LMBR1: variants seen among roughly 807,000 people sequenced by gnomAD.
LMBR1 encodes the protein limb region 1 protein homolog.
A neutral mutation model predicts 73.9 loss-of-function variants in LMBR1; 52 were observed. That is an observed-to-expected ratio of 0.70 (90% CI 0.56 to 0.89). The LOEUF (loss-of-function observed/expected upper bound fraction) is 0.89, where lower values mean the gene tolerates loss of function less well. Among genes scored for constraint, LMBR1 ranks in the 40% least tolerant of loss-of-function variants. The pLI, the probability that LMBR1 is intolerant of heterozygous loss-of-function variation, is 0.00. For missense variants in LMBR1, 539 were observed against 579.8 expected (o/e 0.93, Z 0.72); for synonymous variants, 215 against 209.4 (o/e 1.03, Z -0.23).
chr7:156,763,148 TA>T lies in LMBR1; in HGVS notation c.578del (p.Leu193TyrfsTer7). ...ATCCCATCAATGATATACAGGAATA[TA>T]AATAGGGTAGATAGAACTCCCAGAG... is the stretch of plus-strand genomic sequence containing the variant. ...YDLWEFYLPY[L>X]YSCISLMGCL... On this transcript the variant is annotated frameshift_variant, in exon 7 of 17. Coordinates refer to ENST00000353442, the MANE Select transcript of LMBR1 (RefSeq NM_022458.4). LOFTEE classifies it high-confidence loss of function. The T allele has an allele frequency of 7.1e-7, 1 of 1,417,110 alleles. No individual in the cohort carries two copies. The highest frequency in any genetic ancestry group is 9.8e-7 in the Non-Finnish European group (1 of 1,023,292). The allele number at this position is 1,417,110 out of a possible 1,614,324, so 87.8% of individuals were successfully genotyped here. A position where few individuals can be genotyped will look rare whatever the true frequency, so the allele number is the denominator to read the frequency against.
At chr7:156,862,689 C>A (rs1182000717) in intron 1 of LMBR1, among the ~76,000 whole-genome samples, 2 of 152,176 alleles carry the variant, frequency 1.3e-5, no homozygotes, top group Non-Finnish European at 2.9e-5. Flanking sequence ...AAAAGTGTAT[C>A]TGATAGAAGA....
intron 4 of LMBR1, among the ~76,000 whole-genome samples, chr7:156,797,200 C>G (rs1830189440): frequency 6.6e-6 from 1 of 152,092 alleles, no homozygotes; most frequent in Admixed American, 6.6e-5. Flanking sequence ...CTTAAGTGAC[C>G]TTTTCCTCCC....
intron 15 of LMBR1, among the ~76,000 whole-genome samples, chr7:156,716,228 G>C (rs371668935): frequency 2.0e-5 from 3 of 152,310 alleles, no homozygotes; most frequent in African/African-American, 7.2e-5. Flanking sequence ...CTCTGCCTCA[G>C]AGAATAAAAA....
chr7:156,860,171 A>G (rs1018643728), intron 1 of LMBR1, among the ~76,000 whole-genome samples: 4 of 152,236 alleles, frequency 2.6e-5, no homozygotes, highest in African/African-American at 9.6e-5. Flanking sequence ...CGATAAAGAC[A>G]TATCAGAAAC....
chr7:156,719,201 A>G (rs1813949814), intron 15 of LMBR1, among the ~76,000 whole-genome samples: 1 of 134,148 alleles, frequency 7.5e-6, no homozygotes, highest in African/African-American at 2.9e-5. Flanking sequence ...CTCATTGTTC[A>G]ATTCCCACCT....
intron 6 of LMBR1, 113 bp from the exon 7 acceptor site, chr7:156,763,289 T>C (rs893227623): frequency 8.0e-6 from 4 of 501,126 alleles, no homozygotes; most frequent in East Asian, 3.6e-5. Flanking sequence ...AACATTGTAA[T>C]TGCCTATTTT....
At chr7:156,717,721 T>G (rs191846860) in intron 15 of LMBR1, among the ~76,000 whole-genome samples, 1 of 152,204 alleles carries the variant, frequency 6.6e-6, no homozygotes, top group Non-Finnish European at 1.5e-5. Flanking sequence ...TTCAAAACAT[T>G]TTCTTCTTTT....
intron 5 of LMBR1, among the ~76,000 whole-genome samples, chr7:156,775,430 C>G (rs1173434408): frequency 6.6e-6 from 1 of 152,102 alleles, no homozygotes; most frequent in Non-Finnish European, 1.5e-5. Flanking sequence ...TAAAAGATCA[C>G]ACATGCACAC....
intron 1 of LMBR1, among the ~76,000 whole-genome samples, chr7:156,837,567 T>A (rs1179277009): frequency 6.6e-6 from 1 of 152,012 alleles, no homozygotes; most frequent in Non-Finnish European, 1.5e-5. Flanking sequence ...TATTAAAACA[T>A]TATCAAAAGC....
At chr7:156,851,653 A>T (rs1191041579) in intron 1 of LMBR1, among the ~76,000 whole-genome samples, 1 of 152,152 alleles carries the variant, frequency 6.6e-6, no homozygotes, top group African/African-American at 2.4e-5. Flanking sequence ...AAAACAATGG[A>T]GAGAGAAAAA....
At position 156,727,946 on chromosome 7, in the gene LMBR1, A is replaced by G; in HGVS notation, c.977T>C (p.Met326Thr). 2 of 1,613,118 alleles carry G rather than the reference A, an allele frequency of 1.2e-6. No homozygotes were observed. Among genetic ancestry groups the G allele is most frequent in the Non-Finnish European group, 1.7e-6 (2 of 1,179,406 alleles). Residue 326 changes from methionine to threonine, a missense_variant, in exon 12 of 17, where the codon ATG (methionine) becomes ACG (threonine). Around this residue, in one of 3 missense-constraint regions of LMBR1, gnomAD observed 454 missense variants for 473.4 expected, o/e 0.96. Transcript: ENST00000353442. ...TTACTTTACCCTTGTTCCTTTTGGC[A>G]TTGCTGTTTCATCAACCAATAGGCA... Reference protein sequence around the residue: ...ILCLLVDETAMPKGTRGPGIG... With the variant: ...ILCLLVDETATPKGTRGPGIG...
downstream of LMBR1, among the ~76,000 whole-genome samples, chr7:156,677,595 AGGCCAAGTG>A (rs1197288156): frequency 1.3e-5 from 2 of 152,224 alleles, no homozygotes; most frequent in Non-Finnish European, 2.9e-5. Flanking sequence ...TAAGAGGAAG[AGGCCAAGTG>A]GGTGTGCACA....
intron 9 of LMBR1, among the ~76,000 whole-genome samples, chr7:156,737,035 C>T (rs371355316): frequency 2.6e-5 from 4 of 152,122 alleles, no homozygotes; most frequent in African/African-American, 7.2e-5. Flanking sequence ...ACTGCCTGCC[C>T]GCGTCTCCTG....
chr7:156,872,674 A>G (rs1799482042), intron 1 of LMBR1, among the ~76,000 whole-genome samples: 1 of 151,970 alleles, frequency 6.6e-6, no homozygotes, highest in Non-Finnish European at 1.5e-5. Flanking sequence ...CTAAGAATAA[A>G]CTTAATTAAG....
intron 4 of LMBR1, among the ~76,000 whole-genome samples, chr7:156,815,173 A>AG: frequency 6.6e-6 from 1 of 151,514 alleles, no homozygotes; most frequent in East Asian, 1.9e-4. Context: ...AAAAAAAAAA[A>AG]AAGTACAAAA....
intron 1 of LMBR1, among the ~76,000 whole-genome samples, chr7:156,884,676 TG>T (rs1801606828): frequency 1.4e-5 from 2 of 140,868 alleles, no homozygotes; most frequent in Admixed American, 7.4e-5. Context: ...CAGTTCCCCA[TG>T]GAACTCACTG....
intron 3 of LMBR1, among the ~76,000 whole-genome samples, chr7:156,828,589 G>A (rs1183360050): frequency 6.6e-6 from 1 of 152,108 alleles, no homozygotes; most frequent in Non-Finnish European, 1.5e-5. Context: ...ACTAGTCACT[G>A]AATATAACTA....
intron 5 of LMBR1, among the ~76,000 whole-genome samples, chr7:156,766,531 T>TA (rs1824111161): frequency 6.6e-6 from 1 of 152,108 alleles, no homozygotes; most frequent in Non-Finnish European, 1.5e-5. Flanking sequence ...GCAAGCAGAA[T>TA]AAAATCTCAG....
At chr7:156,834,299 T>C (rs1167668983) in intron 2 of LMBR1, among the ~76,000 whole-genome samples, 1 of 152,160 alleles carries the variant, frequency 6.6e-6, no homozygotes, top group Non-Finnish European at 1.5e-5. Flanking sequence ...AACTCATAAT[T>C]ATTGTTACAA....
Sources: allele counts gnomAD v4.1 joint callset (sites outside exome capture counted in the v4.1 genomes callset), GRCh38; gene constraint gnomAD v4.1.1; regional missense constraint gnomAD v4.1.1; transcripts MANE v1.5; gene names NCBI Gene and HGNC (gene_info 2026-07-23, HGNC 2026-07-21).